Variants in APOBEC3F observed in about 807,000 individuals in gnomAD.
The protein encoded by APOBEC3F is apolipoprotein B mRNA editing enzyme catalytic subunit 3F, also known as DNA dC->dU-editing enzyme APOBEC-3F.
A neutral mutation model predicts 45.8 loss-of-function variants in APOBEC3F; 34 were observed. The observed-to-expected ratio is 0.74, with a 90% CI of 0.57 to 0.99. The LOEUF (loss-of-function observed/expected upper bound fraction) is 0.99. APOBEC3F is among the 50% of genes least tolerant of loss of function. APOBEC3F has a pLI of 0.00. For missense variants in APOBEC3F, 459 were observed against 474.1 expected, an observed-to-expected ratio of 0.97 and a Z score of 0.30; for synonymous variants, 192 against 174.4, an observed-to-expected ratio of 1.10 and a Z score of -0.80.
intron 5 of APOBEC3F, among the ~76,000 whole-genome samples, chr22:39,051,453 C>T (rs1194858449): frequency 6.6e-6 from 1 of 150,744 alleles, no homozygotes; most frequent in Non-Finnish European, 1.5e-5. Context: ...AGGAGAATGG[C>T]GTGAACCCCG....
Position 39,052,130 on chromosome 22 carries a change from C to A in APOBEC3F, c.780C>A (p.Asp260Glu), listed in dbSNP as rs548011103. The A allele has an allele frequency of 6.2e-7, 1 of 1,613,614 alleles. No homozygotes were observed. Among genetic ancestry groups the A allele is most frequent in the South Asian group, 1.1e-5 (1 of 91,066 alleles). Residue 260 changes from aspartate to glutamate, a missense_variant, in exon 6 of 7, where the codon GAC becomes GAA. Physicochemically the swap from Asp to Glu is conservative, Grantham distance 45 (BLOSUM62 2). Coordinates refer to ENST00000308521, the MANE Select transcript of APOBEC3F (RefSeq NM_145298.6). ...AERCFLSWFC[D>E]DILSPNTNYE... ...GGTGCTTCCTCTCTTGGTTCTGTGA[C>A]GACATACTGTCTCCTAACACAAACT...
intron 5 of APOBEC3F, among the ~76,000 whole-genome samples, chr22:39,050,543 A>G (rs1477169774): frequency 2.0e-5 from 3 of 148,280 alleles, no homozygotes; most frequent in South Asian, 2.1e-4. Flanking sequence ...ACACGCTAAA[A>G]AGGCGACAAG....
chr22:39,046,680 C>T (rs1254329804), intron 4 of APOBEC3F, among the ~76,000 whole-genome samples: 2 of 150,980 alleles, frequency 1.3e-5, no homozygotes, highest in African/African-American at 4.9e-5. Flanking sequence ...TGCTATGGTG[C>T]GATCTCGGCT....
At position 39,054,282 on chromosome 22, in the gene APOBEC3F, G is replaced by A. The variant is rs1208836487; in HGVS notation, c.*1587G>A. Among the ~76,000 whole-genome samples, 4 of 151,788 alleles carry A rather than the reference G, an allele frequency of 2.6e-5. No homozygotes were observed. The East Asian group carries it at 7.7e-4, about 29-fold the overall frequency. Reference sequence around the variant, plus strand: ...AGTCTTGCTCTGTTGCCCAGGCTGGGGTGCAGTGGTGCAATCTGGGTTCAC... The same window carrying A: ...AGTCTTGCTCTGTTGCCCAGGCTGGAGTGCAGTGGTGCAATCTGGGTTCAC... On this transcript the variant is annotated 3_prime_UTR_variant, in exon 7 of 7. Coordinates refer to ENST00000308521, the MANE Select transcript of APOBEC3F (RefSeq NM_145298.6).
At position 39,045,062 on chromosome 22, in the gene APOBEC3F, A is replaced by C. The variant is rs1927135597; in HGVS notation, c.293A>C (p.Asp98Ala). 2 of 1,613,614 alleles carry C rather than the reference A, an allele frequency of 1.2e-6. No individual in the cohort carries two copies. The highest frequency in any genetic ancestry group is 1.7e-5 in the Admixed American group (1 of 59,946). The change falls in exon 3 of 7, where the codon GAC becomes GCC. Residue 98 changes from aspartate (D) to alanine (A), a missense_variant. Transcript: ENST00000308521. The part of the protein sequence containing the change: ...TWFVSWTPCP[D>A]CVAKLAEFLA... ...TTTGTATCCTGGACCCCCTGCCCGG[A>C]CTGTGTGGCGAAGCTGGCCGAATTC...
Position 39,052,228 on chromosome 22 carries a change from G to A in APOBEC3F, c.878G>A (p.Arg293Lys), listed in dbSNP as rs201119274. Reference protein sequence around the residue: ...CAGEVAEFLARHSNVNLTIFT... With the variant: ...CAGEVAEFLAKHSNVNLTIFT... ...GGGGAGGTGGCCGAGTTCCTGGCCAGGCACAGCAACGTGAATCTCACCATC... is the reference window on the plus strand; with the variant it reads ...GGGGAGGTGGCCGAGTTCCTGGCCAAGCACAGCAACGTGAATCTCACCATC... The change falls in exon 6 of 7, where the codon AGG (arginine) becomes AAG (lysine). Residue 293 changes from arginine (R) to lysine (K), a missense_variant. By Grantham distance (26) the Arg-to-Lys change is conservative. Transcript: ENST00000308521. 4 of 1,614,224 alleles carry A rather than the reference G, an allele frequency of 2.5e-6. No individual in the cohort carries two copies. The highest frequency in any genetic ancestry group is 3.4e-6 in the Non-Finnish European group (4 of 1,180,036).
chr22:39,054,929 C>A lies in APOBEC3F; in HGVS notation c.*2234C>A, dbSNP rs1927642679. ...ATTTATTTTCTCACAGATATGGAGG[C>A]TACAAGTCCAAGGTGGAGGGGTCGG... On this transcript the variant is annotated 3_prime_UTR_variant, in exon 7 of 7. Transcript: ENST00000308521. 6.6e-6 allele frequency among the ~76,000 whole-genome samples: 1 copy of A among 152,280 alleles called. No individual in the cohort carries two copies. Among genetic ancestry groups the A allele is most frequent in the Middle Eastern group, 3.4e-3 (1 of 294 alleles).
chr22:39,041,103 C>G, intron 1 of APOBEC3F, 126 bp downstream of exon 1: 2 of 1,480,090 alleles, frequency 1.4e-6, no homozygotes, highest in South Asian at 2.4e-5. Flanking sequence ...CCTCTGGCTC[C>G]CCTGCCCCCG....
At position 39,043,086 on chromosome 22, in the gene APOBEC3F, G is replaced by A; in HGVS notation, c.167G>A (p.Gly56Asp). Residue 56 changes from glycine to aspartate, a missense_variant, in exon 2 of 7, where the codon GGC becomes GAC. Coordinates refer to ENST00000308521, the MANE Select transcript of APOBEC3F (RefSeq NM_145298.6). ...CGTTTGGACGCAAAGATCTTTCGAG[G>A]CCAGGTACCACCCGGACTTCAATCA... is the stretch of plus-strand genomic sequence containing the variant. The part of the protein sequence containing the change: ...RPRLDAKIFR[G>D]QVYSQPEHHA... 14 of 1,614,076 alleles carry A rather than the reference G, an allele frequency of 8.7e-6. No homozygotes were observed. Among genetic ancestry groups the A allele is most frequent in the Non-Finnish European group, 1.1e-5 (13 of 1,179,996 alleles).
At chr22:39,043,832 C>T (rs1569068980) in intron 2 of APOBEC3F, among the ~76,000 whole-genome samples, 1 of 150,966 alleles carries the variant, frequency 6.6e-6, no homozygotes, top group Non-Finnish European at 1.5e-5. Context: ...CCAGCTTGGC[C>T]AACATGGTGA....
Position 39,045,213 on chromosome 22 carries a change from C to G in APOBEC3F, c.444C>G (p.Asp148Glu), listed in dbSNP as rs201454313. The change falls in exon 3 of 7, where the codon GAC (aspartate) becomes GAG (glutamate). Residue 148 changes from aspartate (D) to glutamate (E), a missense_variant. Asp to Glu is a conservative substitution (Grantham distance 45). Coordinates refer to ENST00000308521, the MANE Select transcript of APOBEC3F (RefSeq NM_145298.6). Reference sequence around the variant, plus strand: ...CAGGGGCCCGCGTGAAGATTATGGACGATGAAGGTGAGAGGTGGAGGGGTC... The same window carrying G: ...CAGGGGCCCGCGTGAAGATTATGGAGGATGAAGGTGAGAGGTGGAGGGGTC... ...SQAGARVKIM[D>E]DEEFAYCWEN... is the part of the protein sequence containing the mutation. The G allele has an allele frequency of 3.5e-4, 559 of 1,613,928 alleles. 1 individual carries two copies. Among genetic ancestry groups the G allele is most frequent in the Middle Eastern group, 6.6e-4 (4 of 6,060 alleles).
chr22:39,055,602 A>T lies in APOBEC3F; in HGVS notation c.*2907A>T, dbSNP rs1419788340. Among the ~76,000 whole-genome samples the T allele has an allele frequency of 6.6e-6, 1 of 152,154 alleles. No homozygotes were observed. Among genetic ancestry groups the T allele is most frequent in the East Asian group, 1.9e-4 (1 of 5,196 alleles). On this transcript the variant is annotated 3_prime_UTR_variant, in exon 7 of 7. Transcript: ENST00000308521. ...GAGACCACCTCTCTCATTGTCTCCTATTTCAGAAGGAAGCAAAAAGTTAGA... is the reference window on the plus strand; with the variant it reads ...GAGACCACCTCTCTCATTGTCTCCTTTTTCAGAAGGAAGCAAAAAGTTAGA...
At chr22:39,049,213 T>C (rs1463400902) in intron 4 of APOBEC3F, among the ~76,000 whole-genome samples, 2 of 152,094 alleles carry the variant, frequency 1.3e-5, no homozygotes, top group Non-Finnish European at 2.9e-5. Context: ...GGGTGTCCCA[T>C]TGGTAGGCCC....
Position 39,052,791 on chromosome 22 carries a change from G to C in APOBEC3F, c.*96G>C. ...CCTGGACCAGCTGTGCTTTTGCCTG[G>C]TCATCCTGAGCCCCTCCTGGCCTCA... is the stretch of plus-strand genomic sequence containing the variant. On this transcript the variant is annotated 3_prime_UTR_variant, in exon 7 of 7. Transcript: ENST00000308521. 2 of 1,520,956 alleles carry C rather than the reference G, an allele frequency of 1.3e-6. No homozygotes were observed. The highest frequency in any genetic ancestry group is 1.3e-5 in the South Asian group (1 of 75,532). 94.2% of individuals were successfully genotyped at this position (1,520,956 alleles called of 1,614,324 possible). A position where few individuals can be genotyped will look rare whatever the true frequency, so the allele number is the denominator to read the frequency against.
rs1927562928 is a variant in APOBEC3F, at chr22:39,052,772, C to T, written c.*77C>T. ...GTGCAGGCCTCCCCTCCATCCTGGA[C>T]CAGCTGTGCTTTTGCCTGGTCATCC... On this transcript the variant is annotated 3_prime_UTR_variant, in exon 7 of 7. Transcript: ENST00000308521. 1 of 1,540,554 alleles carries T rather than the reference C, an allele frequency of 6.5e-7. No homozygotes were observed. The highest frequency in any genetic ancestry group is 8.7e-7 in the Non-Finnish European group (1 of 1,148,176).
intron 5 of APOBEC3F, among the ~76,000 whole-genome samples, chr22:39,051,447 G>C (rs1426744867): frequency 6.7e-6 from 1 of 149,654 alleles, no homozygotes; most frequent in Non-Finnish European, 1.5e-5. Flanking sequence ...TGAGGCAGGA[G>C]AATGGCGTGA....
rs541826210 is a variant in APOBEC3F, at chr22:39,054,932, C to G, written c.*2237C>G. On this transcript the variant is annotated 3_prime_UTR_variant, in exon 7 of 7. Transcript: ENST00000308521. Reference sequence around the variant, plus strand: ...TATTTTCTCACAGATATGGAGGCTACAAGTCCAAGGTGGAGGGGTCGGCGG... The same window carrying G: ...TATTTTCTCACAGATATGGAGGCTAGAAGTCCAAGGTGGAGGGGTCGGCGG... Among the ~76,000 whole-genome samples the G allele has an allele frequency of 6.6e-6, 1 of 152,296 alleles. No homozygotes were observed. The highest frequency in any genetic ancestry group is 1.5e-5 in the Non-Finnish European group (1 of 68,020).
At chr22:39,051,387 A>C (rs1395480196) in intron 5 of APOBEC3F, among the ~76,000 whole-genome samples, 4 of 151,662 alleles carry the variant, frequency 2.6e-5, no homozygotes, top group African/African-American at 9.7e-5. Flanking sequence ...AATACAAAAA[A>C]TTAGCCAGGC....
At chr22:39,046,755 T>C (rs1927244262) in intron 4 of APOBEC3F, among the ~76,000 whole-genome samples, 1 of 152,070 alleles carries the variant, frequency 6.6e-6, no homozygotes, top group Admixed American at 6.6e-5. Flanking sequence ...TACCTGGGAT[T>C]ACAGGCTCAT....
Sources: allele counts gnomAD v4.1 joint callset (sites outside exome capture counted in the v4.1 genomes callset), GRCh38; gene constraint gnomAD v4.1.1; transcripts MANE v1.5; gene names NCBI Gene and HGNC (gene_info 2026-07-23, HGNC 2026-07-21).